Variants in UNC13C observed in about 807,000 individuals in gnomAD.
UNC13C encodes unc-13 homolog C.
A neutral mutation model predicts 245.4 loss-of-function variants in UNC13C; 174 were observed. The observed-to-expected ratio is 0.71, with a 90% confidence interval of 0.63 to 0.80. UNC13C has a LOEUF of 0.80. Ranked by LOEUF, UNC13C falls within the 30% of genes least tolerant of loss-of-function variation. The pLI is 0.00. For missense variants in UNC13C, 2,829 were observed against 2,602.9 expected (o/e 1.09, Z -1.89); for synonymous variants, 992 against 895.1 (o/e 1.11, Z -1.93).
rs530122360 is a variant in UNC13C at position 54,305,870 on chromosome 15, T to G, written c.4268+5497T>G. Among the ~76,000 whole-genome samples, 107 of 152,200 alleles carry G rather than the reference T, an allele frequency of 7.0e-4. 1 individual carries two copies. In the South Asian group the frequency reaches 0.02, roughly 29 times the overall value. On this transcript the variant is annotated intron_variant, in intron 13 of 32. Transcript: ENST00000260323. ...TCAAAAACAGAAATCAAATTGTACC[T>G]TCTTTTGATATTTAAATACTCTTTA...
At chr15:54,160,383 A>G (rs1000398545) in intron 4 of UNC13C, among the ~76,000 whole-genome samples, 4 of 149,480 alleles carry the variant, frequency 2.7e-5, no homozygotes, top group African/African-American at 9.9e-5. Flanking sequence ...CACCCTCCTA[A>G]CAATGCATAC....
At position 54,624,637 on chromosome 15, in the gene UNC13C, G is replaced by GT. The variant is rs1901022547; in HGVS notation, c.6359+683_6359+684insT. On this transcript the variant is annotated intron_variant, in intron 32 of 32. Transcript: ENST00000260323. ...TACAGAAATAATTATACGGTGGCAAGACCAAATATGTAAAGATCAGTTAGA... is the reference window on the plus strand; with the variant it reads ...TACAGAAATAATTATACGGTGGCAAGTACCAAATATGTAAAGATCAGTTAGA... Among the ~76,000 whole-genome samples the GT allele has an allele frequency of 2.0e-5, 3 of 152,116 alleles. No individual in the cohort carries two copies. The South Asian group carries it at 6.2e-4, about 32-fold the overall frequency.
At chr15:54,467,628 C>T (rs140924617) in intron 19 of UNC13C, among the ~76,000 whole-genome samples, 213 of 151,778 alleles carry the variant, frequency 1.4e-3, no homozygotes, top group African/African-American at 4.3e-3. Flanking sequence ...TCCCCTTCTC[C>T]ATCTACCCTG....
intron 10 of UNC13C, among the ~76,000 whole-genome samples, chr15:54,280,096 T>G (rs1347652882): frequency 2.0e-5 from 3 of 152,126 alleles, no homozygotes; most frequent in Non-Finnish European, 4.4e-5. Context: ...AAAGCTACTT[T>G]TAATAATTTG....
Position 54,322,065 on chromosome 15 carries a change from C to G in UNC13C, c.4395C>G (p.Ala1465=). Residue 1465 remains alanine, a synonymous_variant, in exon 14 of 33, where the codon GCC becomes GCG. Coordinates refer to ENST00000260323, the MANE Select transcript of UNC13C (RefSeq NM_001080534.3). ...TTTCAACAAACATACAGGTTTCTGC[C>G]TCAGATCGATTTGCTGCTACCAACT... ...TTVSTNIQVS[A]SDRFAATNFG... is the part of the protein sequence containing the mutation. 6.3e-7 allele frequency: 1 copy of G among 1,585,222 alleles called. No homozygotes were observed. The highest frequency in any genetic ancestry group is 8.6e-7 in the Non-Finnish European group (1 of 1,165,250).
At chr15:53,869,750 G>A in the UNC13C span, among the ~76,000 whole-genome samples, 31 of 151,796 alleles carry the variant, frequency 2.0e-4, no homozygotes, top group African/African-American at 6.3e-4. Context: ...AGTGAAGCTC[G>A]CATTTATTCA....
intron 4 of UNC13C, among the ~76,000 whole-genome samples, chr15:54,157,013 A>G (rs1203104641): frequency 2.0e-5 from 3 of 152,018 alleles, no homozygotes; most frequent in African/African-American, 7.2e-5. Context: ...TTTTAAGGAG[A>G]GAGAAAAGGA....
chr15:54,593,730 C>T (rs1185120516), intron 30 of UNC13C, among the ~76,000 whole-genome samples: 1 of 152,048 alleles, frequency 6.6e-6, no homozygotes, highest in Non-Finnish European at 1.5e-5. Flanking sequence ...TTTTTCCCTT[C>T]ACTTCTTATA....
intron 19 of UNC13C, among the ~76,000 whole-genome samples, chr15:54,447,611 T>A (rs1371857892): frequency 6.6e-6 from 1 of 152,238 alleles, no homozygotes; most frequent in South Asian, 2.1e-4. Context: ...GTGGGATCGA[T>A]GGTGATATCC....
chr15:53,907,618 T>A, the UNC13C span, among the ~76,000 whole-genome samples: 2 of 152,198 alleles, frequency 1.3e-5, no homozygotes, highest in African/African-American at 2.4e-5. Flanking sequence ...ATAATAATGC[T>A]ATTATTAAAA....
intron 13 of UNC13C, among the ~76,000 whole-genome samples, chr15:54,314,603 G>T (rs2037963126): frequency 6.6e-6 from 1 of 151,488 alleles, no homozygotes; most frequent in Admixed American, 6.6e-5. Flanking sequence ...AATTAGAAAA[G>T]GAAAGAAATG....
chr15:53,895,813 G>A, the UNC13C span, among the ~76,000 whole-genome samples: 4 of 152,102 alleles, frequency 2.6e-5, no homozygotes, highest in East Asian at 7.8e-4. Flanking sequence ...TGTTCTTTGA[G>A]CATTGAAAAT....
chr15:54,127,773 AATAAT>A (rs2031153795), intron 2 of UNC13C, among the ~76,000 whole-genome samples: 1 of 146,004 alleles, frequency 6.8e-6, no homozygotes, highest in South Asian at 2.1e-4. Flanking sequence ...TATAATATAA[AATAAT>A]ATATTTAATA....
intron 17 of UNC13C, among the ~76,000 whole-genome samples, chr15:54,351,156 A>AT (rs138132521): frequency 0.032 from 4,799 of 151,592 alleles, 111 homozygotes; most frequent in African/African-American, 0.069. Flanking sequence ...TGGAAACATA[A>AT]TTTTTTTTTA....
At chr15:54,118,902 GTT>G (rs3082226) in intron 2 of UNC13C, among the ~76,000 whole-genome samples, 2 of 140,828 alleles carry the variant, frequency 1.4e-5, no homozygotes, top group Non-Finnish European at 1.6e-5. Context: ...TGATCTTACG[GTT>G]TTTTTTTTTT....
At chr15:54,360,122 T>G (rs1023661099) in intron 17 of UNC13C, among the ~76,000 whole-genome samples, 20 of 152,146 alleles carry the variant, frequency 1.3e-4, no homozygotes, top group African/African-American at 4.8e-4. Context: ...CCAATATTCC[T>G]TTTGTTATTG....
At chr15:54,488,239 A>T (rs598720) in intron 19 of UNC13C, among the ~76,000 whole-genome samples, 88,817 of 151,954 alleles carry the variant, frequency 0.58, 26,110 homozygotes, top group East Asian at 0.79. Flanking sequence ...TTTAGAACCA[A>T]CGTTTCCTGG....
chr15:53,928,509 TTTTG>T, the UNC13C span, among the ~76,000 whole-genome samples: 1 of 152,198 alleles, frequency 6.6e-6, no homozygotes, highest in Non-Finnish European at 1.5e-5. Context: ...ACTGCAGAGA[TTTTG>T]TTTATGGCCA....
intron 22 of UNC13C, among the ~76,000 whole-genome samples, chr15:54,501,404 T>C (rs1361826766): frequency 6.6e-6 from 1 of 152,146 alleles, no homozygotes; most frequent in Non-Finnish European, 1.5e-5. Context: ...CAACCAATAA[T>C]TGTAATTGAA....
Sources: allele counts gnomAD v4.1 joint callset (sites outside exome capture counted in the v4.1 genomes callset), GRCh38; gene constraint gnomAD v4.1.1; transcripts MANE v1.5; gene names NCBI Gene and HGNC (gene_info 2026-07-23, HGNC 2026-07-21).